The following TBCE variants were observed in gnomAD, a reference collection of about 807,000 sequenced individuals.
TBCE encodes tubulin folding cofactor E.
Under a neutral mutation model 77.0 loss-of-function variants are expected in TBCE, and 53 were observed. That is an observed-to-expected ratio of 0.69 (90% CI 0.55 to 0.87). The LOEUF (loss-of-function observed/expected upper bound fraction) is 0.87. TBCE is among the 40% of genes least tolerant of loss of function. The pLI is 0.00. For missense variants in TBCE, 624 were observed against 622.4 expected (o/e 1.00, Z -0.03); for synonymous variants, 235 against 241.3 (o/e 0.97, Z 0.24).
Position 235,437,317 on chromosome 1 carries a change from T to A in TBCE, c.964-5T>A. 6.2e-7 allele frequency: 1 copy of A among 1,614,014 alleles called. No individual in the cohort carries two copies. The highest frequency in any genetic ancestry group is 8.5e-7 in the Non-Finnish European group (1 of 1,179,958). On this transcript the variant is annotated splice_region_variant and splice_polypyrimidine_tract_variant and intron_variant, in intron 11 of 16. Coordinates refer to ENST00000642610, the MANE Select transcript of TBCE (RefSeq NM_003193.5). ...TTTCATTTATTTCCTTTTGCTGTGTTTCAGTGGTCGTTTTTCAATGAGCTA... is the reference window on the plus strand; with the variant it reads ...TTTCATTTATTTCCTTTTGCTGTGTATCAGTGGTCGTTTTTCAATGAGCTA...
At chr1:235,377,394 T>A (rs924244939) in intron 1 of TBCE, among the ~76,000 whole-genome samples, 1 of 152,184 alleles carries the variant, frequency 6.6e-6, no homozygotes, top group Admixed American at 6.6e-5. Flanking sequence ...TTGGCTGGGA[T>A]GGTATCGATC....
At position 235,448,656 on chromosome 1, in the gene TBCE, C is replaced by A. The variant is rs147400126; in HGVS notation, c.1492-14C>A. ...TCTTAATCACATCCTTCCCCACCTT[C>A]GTTCTAATTTTAGAAGCCGGGCAGA... On this transcript the variant is annotated splice_polypyrimidine_tract_variant and intron_variant, in intron 16 of 16. Transcript: ENST00000642610. 6.2e-7 allele frequency: 1 copy of A among 1,606,828 alleles called. No individual in the cohort carries two copies. The highest frequency in any genetic ancestry group is 8.5e-7 in the Non-Finnish European group (1 of 1,173,532).
At position 235,430,457 on chromosome 1, in the gene TBCE, G is replaced by C. The variant is rs16832610; in HGVS notation, c.561-248G>C. ...TTAGGAAGCCTACAGCCGCATACAG[G>C]TGCCCTAATCCTGTGAAAGCATCTT... On this transcript the variant is annotated intron_variant, in intron 6 of 16. Transcript: ENST00000642610. 0.011 allele frequency: 4,095 copies of C among 383,008 alleles called. 152 individuals carry two copies. The highest frequency in any genetic ancestry group is 0.078 in the African/African-American group (3,736 of 48,148). The allele number at this position is 383,008 out of a possible 1,614,324, so 23.7% of individuals were successfully genotyped here. A position where few individuals can be genotyped will look rare whatever the true frequency, so the allele number is the denominator to read the frequency against.
intron 3 of TBCE, among the ~76,000 whole-genome samples, chr1:235,408,801 G>C (rs536952309): frequency 4.7e-4 from 71 of 152,062 alleles, no homozygotes; most frequent in Non-Finnish European, 9.9e-4. Context: ...AAACAAACAG[G>C]GTATCAAGAT....
At chr1:235,369,459 A>G (rs1676763757) in intron 1 of TBCE, among the ~76,000 whole-genome samples, 1 of 151,800 alleles carries the variant, frequency 6.6e-6, no homozygotes, top group Non-Finnish European at 1.5e-5. Flanking sequence ...GTGAGCCGAG[A>G]TCGTGCCACT....
chr1:235,386,569 C>T (rs531337032), intron 2 of TBCE, among the ~76,000 whole-genome samples: 13 of 152,196 alleles, frequency 8.5e-5, no homozygotes, highest in African/African-American at 3.1e-4. Flanking sequence ...TCACTGATAC[C>T]CTTTCTTCCA....
At chr1:235,433,216 G>T in intron 7 of TBCE, 1 of 1,264,550 alleles carries the variant, frequency 7.9e-7, no homozygotes, top group Non-Finnish European at 1.0e-6. Flanking sequence ...GGCCAAGGGC[G>T]TCATCTCAAC....
chr1:235,376,002 C>T (rs1282176611), intron 1 of TBCE, among the ~76,000 whole-genome samples: 3 of 152,086 alleles, frequency 2.0e-5, no homozygotes, highest in South Asian at 2.1e-4. Context: ...GCTGAGATCA[C>T]GCCATTGCAC....
chr1:235,437,552 C>A, intron 12 of TBCE, 78 bp downstream of exon 12: 1 of 1,550,900 alleles, frequency 6.4e-7, no homozygotes. Context: ...TGGCTCACAC[C>A]TGTAATCCCA....
At position 235,437,498 on chromosome 1, in the gene TBCE, A is replaced by C. The variant is rs6666184; in HGVS notation, c.1116+24A>C. The C allele has an allele frequency of 0.02, 32,918 of 1,612,994 alleles. 701 individuals are homozygous for C. Among genetic ancestry groups the C allele is most frequent in the African/African-American group, 0.1 (7,863 of 74,908 alleles). On this transcript the variant is annotated intron_variant, in intron 12 of 16. Coordinates refer to ENST00000642610, the MANE Select transcript of TBCE (RefSeq NM_003193.5). ...AGGTGAGCACTGGCGTCATGACTAG[A>C]TATTTTTTAGACTAGAAAATAAATG...
intron 7 of TBCE, 152 bp from the exon 8 acceptor site, chr1:235,434,052 A>C: frequency 5.4e-6 from 4 of 737,366 alleles, no homozygotes; most frequent in Non-Finnish European, 9.8e-6. Flanking sequence ...CCCCACCACT[A>C]TTCCAGGCCT....
In TBCE at chr1:235,450,229, GAT is replaced by G. The variant is rs759968980; in HGVS notation, c.*1468_*1469del. On this transcript the variant is annotated 3_prime_UTR_variant, in exon 17 of 17. Coordinates refer to ENST00000642610, the MANE Select transcript of TBCE (RefSeq NM_003193.5). ...TGTTATCTTGCTTGACATCGACAAGGATCACCGCACCGTTCCTTCAGTTTCCA... is the reference window on the plus strand; with the variant it reads ...TGTTATCTTGCTTGACATCGACAAGGCACCGCACCGTTCCTTCAGTTTCCA... The G allele has an allele frequency of 3.1e-6, 5 of 1,613,946 alleles. No homozygotes were observed. The highest frequency in any genetic ancestry group is 4.2e-6 in the Non-Finnish European group (5 of 1,180,020).
At chr1:235,379,069 TTTTC>T (rs1470852408) in intron 1 of TBCE, among the ~76,000 whole-genome samples, 1 of 152,054 alleles carries the variant, frequency 6.6e-6, no homozygotes. Context: ...TTCTTTTTTC[TTTTC>T]TGTTTTTTCT....
intron 15 of TBCE, among the ~76,000 whole-genome samples, chr1:235,443,740 G>A (rs1436744687): frequency 6.6e-6 from 1 of 152,124 alleles, no homozygotes; most frequent in Non-Finnish European, 1.5e-5. Flanking sequence ...AAAACAATTC[G>A]CAGATGCTCT....
At chr1:235,428,295 G>A (rs1348431808) in intron 6 of TBCE, among the ~76,000 whole-genome samples, 1 of 152,166 alleles carries the variant, frequency 6.6e-6, no homozygotes, top group Non-Finnish European at 1.5e-5. Flanking sequence ...CTGCACTCCA[G>A]CCTGGGCGAC....
chr1:235,414,065 A>G (rs1268246728), intron 3 of TBCE: 1 of 290,476 alleles, frequency 3.4e-6, no homozygotes, highest in Non-Finnish European at 6.6e-6. Flanking sequence ...CATGTTGGCC[A>G]GGCTGGTCTT....
intron 3 of TBCE, among the ~76,000 whole-genome samples, chr1:235,406,497 A>C (rs1330759451): frequency 6.6e-6 from 1 of 152,238 alleles, no homozygotes; most frequent in Non-Finnish European, 1.5e-5. Flanking sequence ...CGTCTTTGGT[A>C]TATCCAAAGA....
intron 1 of TBCE, among the ~76,000 whole-genome samples, chr1:235,376,463 A>T (rs1401307526): frequency 6.6e-6 from 1 of 152,136 alleles, no homozygotes; most frequent in Non-Finnish European, 1.5e-5. Flanking sequence ...GATAATCCCT[A>T]TACAGTCTAG....
chr1:235,383,972 T>C (rs1256885138), intron 2 of TBCE, among the ~76,000 whole-genome samples: 1 of 152,184 alleles, frequency 6.6e-6, no homozygotes, highest in Non-Finnish European at 1.5e-5. Context: ...ATAGCTCTTA[T>C]TATTTTGAGA....
Sources: gnomAD v4.1 joint callset for allele counts (sites outside exome capture counted in the v4.1 genomes callset) on GRCh38, gnomAD v4.1.1 for gene constraint, MANE v1.5 for transcripts, NCBI Gene and HGNC (gene_info 2026-07-23, HGNC 2026-07-21) for gene names.